The following PRELID2 variants were observed in gnomAD, a reference collection of about 807,000 sequenced individuals.
PRELID2 encodes the protein PRELI domain-containing protein 2.
A neutral mutation model predicts 28.4 loss-of-function variants in PRELID2; 25 were observed. The ratio of observed to expected loss-of-function variants is 0.88; its 90% confidence interval spans 0.64 to 1.23. The LOEUF is 1.23. PRELID2 is among the 50% of genes most tolerant of loss of function. The probability of loss-of-function intolerance (pLI) is 0.00; values close to 1 mark genes in which losing one functional copy is unlikely to be tolerated. For missense variants in PRELID2, 201 were observed against 214.4 expected (o/e 0.94, Z 0.39); for synonymous variants, 76 against 71.6 (o/e 1.06, Z -0.31).
chr5:145,521,078 G>C (rs1023951445), intron 1 of PRELID2, among the ~76,000 whole-genome samples: 1 of 152,098 alleles, frequency 6.6e-6, no homozygotes, highest in African/African-American at 2.4e-5. Flanking sequence ...CGGCTTTCAT[G>C]GGTAAGGACA....
At chr5:145,649,577 T>C (rs955190108) in intron 1 of PRELID2, among the ~76,000 whole-genome samples, 2 of 152,196 alleles carry the variant, frequency 1.3e-5, no homozygotes, top group Admixed American at 6.5e-5. Context: ...GCATCCGTAC[T>C]CTCTTCTCTA....
the PRELID2 span, among the ~76,000 whole-genome samples, chr5:145,246,466 GA>G: frequency 6.6e-6 from 1 of 152,218 alleles, no homozygotes; most frequent in Non-Finnish European, 1.5e-5. Flanking sequence ...ACCACTCTAA[GA>G]TAAAAGTGTG....
rs879759715 is a variant in PRELID2, at chr5:145,811,328, G to T, written c.368+6566C>A. On this transcript the variant is annotated intron_variant, in intron 4 of 6. Coordinates refer to ENST00000683046, the MANE Select transcript of PRELID2 (RefSeq NM_205846.3). ...ACCATATCAGGGGTCTTGCTCTGTTGCCCAGGTTGGAATTCAATGGCAGGA... is the reference window on the plus strand; with the variant it reads ...ACCATATCAGGGGTCTTGCTCTGTTTCCCAGGTTGGAATTCAATGGCAGGA... Among the ~76,000 whole-genome samples, 44 of 152,018 alleles carry T rather than the reference G, an allele frequency of 2.9e-4. 1 individual carries two copies. Among genetic ancestry groups the T allele is most frequent in the African/African-American group, 1.0e-3 (43 of 41,384 alleles).
the PRELID2 span, among the ~76,000 whole-genome samples, chr5:145,371,080 C>T: frequency 4.6e-5 from 7 of 152,218 alleles, no homozygotes; most frequent in African/African-American, 1.7e-4. Flanking sequence ...TTGACCTCCT[C>T]TCTGCCTATC....
intron 1 of PRELID2, among the ~76,000 whole-genome samples, chr5:145,501,437 A>T (rs1442058157): frequency 6.6e-6 from 1 of 152,176 alleles, no homozygotes; most frequent in Non-Finnish European, 1.5e-5. Context: ...CTTGAATTGT[A>T]GATCCCATAA....
intron 1 of PRELID2, among the ~76,000 whole-genome samples, chr5:145,701,844 G>T (rs893812088): frequency 1.3e-5 from 2 of 152,140 alleles, no homozygotes; most frequent in Admixed American, 1.3e-4. Context: ...CTGAGGTCAG[G>T]AGTTCAAGAC....
chr5:145,399,338 A>C, the PRELID2 span, among the ~76,000 whole-genome samples: 1 of 152,112 alleles, frequency 6.6e-6, no homozygotes, highest in Non-Finnish European at 1.5e-5. Context: ...GAGTCATAGA[A>C]AATAAATTAA....
At chr5:145,463,011 G>C in the PRELID2 span, among the ~76,000 whole-genome samples, 1 of 152,048 alleles carries the variant, frequency 6.6e-6, no homozygotes, top group African/African-American at 2.4e-5. Context: ...AAATTTTATA[G>C]TAAATAGTAA....
chr5:145,608,042 T>TG (rs1328322765), intron 1 of PRELID2, among the ~76,000 whole-genome samples: 6 of 137,110 alleles, frequency 4.4e-5, no homozygotes, highest in African/African-American at 2.0e-4. Context: ...TAAAGCCCGT[T>TG]TTTTTTTTTT....
intron 1 of PRELID2, among the ~76,000 whole-genome samples, chr5:145,575,643 T>C (rs765606128): frequency 6.6e-6 from 1 of 152,206 alleles, no homozygotes; most frequent in Non-Finnish European, 1.5e-5. Context: ...ATCTTGCCCA[T>C]GTTCTCTTCA....
At chr5:145,773,778 AT>A (rs779040909) in intron 5 of PRELID2, among the ~76,000 whole-genome samples, 3 of 152,204 alleles carry the variant, frequency 2.0e-5, no homozygotes, top group Admixed American at 6.5e-5. Flanking sequence ...CTCAGTCATA[AT>A]TTTCCCTTTT....
the PRELID2 span, among the ~76,000 whole-genome samples, chr5:145,274,392 C>T: frequency 8.3e-4 from 127 of 152,208 alleles, no homozygotes; most frequent in African/African-American, 2.8e-3. Context: ...TTTTCTAGAG[C>T]GACATTATGC....
chr5:145,783,393 C>T (rs903617316), intron 5 of PRELID2, among the ~76,000 whole-genome samples: 3 of 152,152 alleles, frequency 2.0e-5, no homozygotes, highest in Admixed American at 2.0e-4. Context: ...GTTTTCCCTG[C>T]AAAAGCTATG....
chr5:145,795,028 C>A (rs770474332), intron 5 of PRELID2: 1 of 151,928 alleles, frequency 6.6e-6, no homozygotes, highest in East Asian at 1.9e-4. Flanking sequence ...AAATGTTATC[C>A]CTCCCCCTCA....
intron 1 of PRELID2, among the ~76,000 whole-genome samples, chr5:145,531,884 C>A (rs1026657742): frequency 5.3e-5 from 8 of 152,122 alleles, no homozygotes; most frequent in Non-Finnish European, 8.8e-5. Flanking sequence ...TGATTCAAAT[C>A]CTAGCTCTGT....
chr5:145,282,000 A>G, the PRELID2 span, among the ~76,000 whole-genome samples: 1 of 152,190 alleles, frequency 6.6e-6, no homozygotes, highest in African/African-American at 2.4e-5. Flanking sequence ...TAAGTGCAAG[A>G]GTCACATAGA....
chr5:145,753,352 T>C (rs1303978604), downstream of PRELID2, among the ~76,000 whole-genome samples: 2 of 152,222 alleles, frequency 1.3e-5, no homozygotes, highest in Non-Finnish European at 2.9e-5. Flanking sequence ...GGGATCCTTT[T>C]TCTGCAAGGG....
the PRELID2 span, among the ~76,000 whole-genome samples, chr5:145,384,365 C>T: frequency 2.6e-5 from 4 of 152,068 alleles, no homozygotes; most frequent in African/African-American, 7.2e-5. Flanking sequence ...AAATGTTCAT[C>T]AACAGGAGAA....
the PRELID2 span, among the ~76,000 whole-genome samples, chr5:145,416,960 C>A: frequency 1.3e-5 from 2 of 151,756 alleles, no homozygotes; most frequent in African/African-American, 4.8e-5. Context: ...CTAGATAAAA[C>A]TAGTTTTCAA....
Sources: gnomAD v4.1 joint callset for allele counts (sites outside exome capture counted in the v4.1 genomes callset) on GRCh38, gnomAD v4.1.1 for gene constraint, MANE v1.5 for transcripts, NCBI Gene and HGNC (gene_info 2026-07-23, HGNC 2026-07-21) for gene names.